PHLDB2: variants seen among roughly 807,000 people sequenced by gnomAD.
PHLDB2 encodes pleckstrin homology like domain family B member 2, also known as pleckstrin homology-like domain family B member 2.
A neutral mutation model predicts 123.6 loss-of-function variants in PHLDB2; 71 were observed. The ratio of observed to expected loss-of-function variants is 0.57; its 90% confidence interval spans 0.47 to 0.70. PHLDB2 has a LOEUF of 0.70. PHLDB2 is among the 30% of genes least tolerant of loss of function. The probability of loss-of-function intolerance (pLI) is 0.00; values close to 1 mark genes in which losing one functional copy is unlikely to be tolerated. For missense variants in PHLDB2, 1,446 were observed against 1,519.5 expected (o/e 0.95, Z 0.80); for synonymous variants, 547 against 541.6 (o/e 1.01, Z -0.14).
intron 5 of PHLDB2, among the ~76,000 whole-genome samples, chr3:111,922,362 A>G (rs1423506645): frequency 6.6e-6 from 1 of 152,210 alleles, no homozygotes; most frequent in African/African-American, 2.4e-5. Context: ...TATGTTTTCA[A>G]GGTGGAATTC....
intron 1 of PHLDB2, among the ~76,000 whole-genome samples, chr3:111,878,021 C>T (rs142774400): frequency 0.48 from 73,392 of 151,846 alleles, 18,564 homozygotes; most frequent in East Asian, 0.78. Context: ...CTTAGGATTG[C>T]TTTGGCTATG....
intron 1 of PHLDB2, among the ~76,000 whole-genome samples, chr3:111,787,551 C>T (rs569943744): frequency 6.6e-6 from 1 of 152,274 alleles, no homozygotes; most frequent in East Asian, 1.9e-4. Context: ...AGAACCCTTT[C>T]AAGCTAGAAT....
intron 16 of PHLDB2, 44 bp downstream of exon 16, chr3:111,969,953 C>T: frequency 6.3e-7 from 1 of 1,580,000 alleles, no homozygotes; most frequent in Non-Finnish European, 8.7e-7. Flanking sequence ...AAATCAAGAA[C>T]CCCCTGTTAA....
intron 1 of PHLDB2, among the ~76,000 whole-genome samples, chr3:111,769,833 T>C (rs1054895407): frequency 2.0e-5 from 3 of 152,214 alleles, no homozygotes; most frequent in African/African-American, 7.2e-5. Flanking sequence ...GGCAGATGGA[T>C]GCAAATTGAT....
At chr3:111,921,703 A>AG (rs2068515399) in intron 5 of PHLDB2, among the ~76,000 whole-genome samples, 1 of 147,988 alleles carries the variant, frequency 6.8e-6, no homozygotes, top group Non-Finnish European at 1.5e-5. Flanking sequence ...TCGCAGGTTC[A>AG]GCCATTCTCC....
At chr3:111,820,716 T>C (rs1184874739) in intron 1 of PHLDB2, among the ~76,000 whole-genome samples, 2 of 152,058 alleles carry the variant, frequency 1.3e-5, no homozygotes, top group Non-Finnish European at 2.9e-5. Context: ...GATTCTCCAG[T>C]TTGTGGTCAA....
chr3:111,882,790 A>G (rs1308681790), intron 1 of PHLDB2, among the ~76,000 whole-genome samples: 1 of 152,148 alleles, frequency 6.6e-6, no homozygotes, highest in African/African-American at 2.4e-5. Context: ...AACAGGGTGA[A>G]GGTCCTTAAT....
intron 2 of PHLDB2, among the ~76,000 whole-genome samples, chr3:111,902,874 A>G (rs2067279214): frequency 6.6e-6 from 1 of 152,106 alleles, no homozygotes; most frequent in Admixed American, 6.5e-5. Flanking sequence ...CCTGGCCTCA[A>G]GTGATCCCCT....
intron 5 of PHLDB2, among the ~76,000 whole-genome samples, chr3:111,927,364 C>CAAAT (rs925285022): frequency 1.2e-4 from 18 of 151,916 alleles, no homozygotes; most frequent in East Asian, 3.9e-4. Context: ...TCATCTCTGT[C>CAAAT]AAATAAATAA....
chr3:111,752,186 T>C (rs2059788429), intron 1 of PHLDB2, among the ~76,000 whole-genome samples: 1 of 151,808 alleles, frequency 6.6e-6, no homozygotes, highest in Non-Finnish European at 1.5e-5. Flanking sequence ...TTAATGCTTC[T>C]CTCCGCATTT....
intron 1 of PHLDB2, among the ~76,000 whole-genome samples, chr3:111,802,121 A>G (rs1172239385): frequency 6.6e-6 from 1 of 152,246 alleles, no homozygotes; most frequent in Non-Finnish European, 1.5e-5. Flanking sequence ...ATGATTATGC[A>G]TCTAACATCA....
chr3:111,876,414 C>T (rs1372697568), intron 1 of PHLDB2, among the ~76,000 whole-genome samples: 1 of 152,036 alleles, frequency 6.6e-6, no homozygotes, highest in Non-Finnish European at 1.5e-5. Context: ...TGTTAGTTTA[C>T]CATTGACTAG....
chr3:111,922,987 T>C (rs562435083), intron 5 of PHLDB2, among the ~76,000 whole-genome samples: 21 of 152,308 alleles, frequency 1.4e-4, no homozygotes, highest in African/African-American at 5.1e-4. Flanking sequence ...TCAGTTTCTC[T>C]CTCTTTACTG....
intron 1 of PHLDB2, among the ~76,000 whole-genome samples, chr3:111,878,426 TGCTTATCA>T (rs1425692808): frequency 8.5e-5 from 13 of 152,364 alleles, no homozygotes; most frequent in South Asian, 6.2e-4. Flanking sequence ...TCGCTGAAGT[TGCTTATCA>T]GCTTAAGGAG....
At chr3:111,781,268 T>C (rs1268679596) in intron 1 of PHLDB2, among the ~76,000 whole-genome samples, 1 of 152,004 alleles carries the variant, frequency 6.6e-6, no homozygotes, top group African/African-American at 2.4e-5. Flanking sequence ...TCCTTATCTC[T>C]CTCCACCTGC....
In PHLDB2 at chr3:111,885,166, C is replaced by T; in HGVS notation, c.1089C>T (p.Asn363=). ...ATCAGGCTTCATATGTGGGGACAAA[C>T]CCGAGTCATTCACTTCTTGCTGGAG... is the stretch of plus-strand genomic sequence containing the variant. ...DFDQASYVGT[N]PSHSLLAGES... Residue 363 remains asparagine, a synonymous_variant, in exon 2 of 18, where the codon AAC becomes AAT. Transcript: ENST00000431670. The T allele has an allele frequency of 6.2e-7, 1 of 1,614,076 alleles. No individual in the cohort carries two copies.
At chr3:111,938,409 C>T (rs2069639890) in intron 6 of PHLDB2, among the ~76,000 whole-genome samples, 1 of 151,834 alleles carries the variant, frequency 6.6e-6, no homozygotes. Flanking sequence ...GATTGCTTAT[C>T]CCTTTAATAA....
At chr3:111,925,355 G>A (rs565705740) in intron 5 of PHLDB2, among the ~76,000 whole-genome samples, 1 of 152,120 alleles carries the variant, frequency 6.6e-6, no homozygotes, top group African/African-American at 2.4e-5. Flanking sequence ...TCCTGCACTG[G>A]CCTTTTATTA....
At chr3:111,842,921 A>G (rs1426512832) in intron 1 of PHLDB2, among the ~76,000 whole-genome samples, 1 of 152,232 alleles carries the variant, frequency 6.6e-6, no homozygotes, top group Non-Finnish European at 1.5e-5. Context: ...TCCATGTTGA[A>G]GCATTGTCAG....
Sources: gnomAD v4.1 joint callset for allele counts (sites outside exome capture counted in the v4.1 genomes callset) on GRCh38, gnomAD v4.1.1 for gene constraint, MANE v1.5 for transcripts, NCBI Gene and HGNC (gene_info 2026-07-23, HGNC 2026-07-21) for gene names.